Variants in PTPRN2 observed in about 807,000 individuals in gnomAD.
The protein encoded by PTPRN2 is receptor-type tyrosine-protein phosphatase N2.
PTPRN2 carries 74 observed loss-of-function variants against 118.8 expected under a neutral mutation model. The ratio of observed to expected loss-of-function variants is 0.62; its 90% CI spans 0.52 to 0.76. The LOEUF (loss-of-function observed/expected upper bound fraction) is 0.76. Ranked by LOEUF, PTPRN2 falls within the 30% of genes least tolerant of loss-of-function variation. PTPRN2 has a pLI of 0.00. For missense variants in PTPRN2, 1,481 were observed against 1,394.4 expected, an observed-to-expected ratio of 1.06 and a Z score of -0.99; for synonymous variants, 641 against 608.0, an observed-to-expected ratio of 1.05 and a Z score of -0.80.
intron 3 of PTPRN2, among the ~76,000 whole-genome samples, chr7:158,298,037 C>T (rs6950401): frequency 0.96 from 146,313 of 152,306 alleles, 70,349 homozygotes; most frequent in African/African-American, 0.99. Context: ...TAGTGTTTTC[C>T]TACGATTCTT....
Position 157,957,126 on chromosome 7 carries a change from C to T in PTPRN2, c.1724-58389G>A, listed in dbSNP as rs113422241. On this transcript the variant is annotated intron_variant, in intron 11 of 22. Coordinates refer to ENST00000389418, the MANE Select transcript of PTPRN2 (RefSeq NM_002847.5). ...GGTTCAGAAGGGTTAATAAACAGCT[C>T]AAGCACTTGCACCTGAGAGCCCACT... is the stretch of plus-strand genomic sequence containing the variant. 1.7e-3 allele frequency among the ~76,000 whole-genome samples: 252 copies of T among 152,320 alleles called. 1 individual carries two copies. The highest frequency in any genetic ancestry group is 5.8e-3 in the African/African-American group (242 of 41,576).
At chr7:158,510,856 G>A (rs1823126686) in intron 1 of PTPRN2, among the ~76,000 whole-genome samples, 1 of 152,226 alleles carries the variant, frequency 6.6e-6, no homozygotes, top group African/African-American at 2.4e-5. Flanking sequence ...ATTCTTCTCA[G>A]GGCCGCTTGC....
At chr7:157,829,544 T>G (rs772565995) in intron 12 of PTPRN2, among the ~76,000 whole-genome samples, 8 of 152,232 alleles carry the variant, frequency 5.3e-5, no homozygotes, top group Admixed American at 2.0e-4. Context: ...TGAAAGCCTC[T>G]GCTTTCTAGA....
At chr7:157,850,096 T>C (rs1809157125) in intron 12 of PTPRN2, among the ~76,000 whole-genome samples, 1 of 152,254 alleles carries the variant, frequency 6.6e-6, no homozygotes, top group Non-Finnish European at 1.5e-5. Context: ...GAAAATCTTT[T>C]ATGGGAGGAA....
chr7:157,600,651 C>T (rs117066964), intron 16 of PTPRN2, among the ~76,000 whole-genome samples: 1,564 of 152,340 alleles, frequency 0.01, 11 homozygotes, highest in Non-Finnish European at 0.016. Flanking sequence ...TCAAGTGATT[C>T]GCCTGCCTTG....
chr7:157,853,687 C>A (rs888859798), intron 12 of PTPRN2, among the ~76,000 whole-genome samples: 5 of 152,160 alleles, frequency 3.3e-5, no homozygotes, highest in Non-Finnish European at 7.3e-5. Flanking sequence ...AACCGAGCCA[C>A]ACGTGCGGAG....
At chr7:157,999,262 C>T (rs916264763) in intron 11 of PTPRN2, among the ~76,000 whole-genome samples, 3 of 152,218 alleles carry the variant, frequency 2.0e-5, no homozygotes, top group Non-Finnish European at 4.4e-5. Flanking sequence ...TCAGGGGGTT[C>T]TAGTCGGCTT....
At chr7:158,386,892 G>A (rs1221226856) in intron 2 of PTPRN2, among the ~76,000 whole-genome samples, 1 of 152,240 alleles carries the variant, frequency 6.6e-6, no homozygotes, top group African/African-American at 2.4e-5. Flanking sequence ...TGCCACCCTG[G>A]GAGATGAATG....
intron 11 of PTPRN2, among the ~76,000 whole-genome samples, chr7:158,051,354 A>C (rs1809312386): frequency 6.6e-6 from 1 of 152,216 alleles, no homozygotes; most frequent in Non-Finnish European, 1.5e-5. Context: ...AAGGACAGGA[A>C]GCACAGCCCT....
chr7:157,922,116 A>G (rs1798723442), intron 11 of PTPRN2, among the ~76,000 whole-genome samples: 1 of 152,262 alleles, frequency 6.6e-6, no homozygotes, highest in Non-Finnish European at 1.5e-5. Flanking sequence ...ATGTTCAAAT[A>G]CCTTAAAAAC....
At chr7:158,401,453 C>A (rs1476439454) in intron 2 of PTPRN2, among the ~76,000 whole-genome samples, 3 of 151,648 alleles carry the variant, frequency 2.0e-5, no homozygotes, top group Admixed American at 2.0e-4. Context: ...GAAGCTGCCA[C>A]GGGACGGCCC....
In PTPRN2 at chr7:158,165,577, G is replaced by C. The variant is rs924980621; in HGVS notation, c.910+1354C>G. Among the ~76,000 whole-genome samples the C allele has an allele frequency of 1.7e-4, 26 of 152,386 alleles. 1 individual carries two copies. The East Asian group carries it at 5.0e-3, about 29-fold the overall frequency. ...GAGGGCAGGAGAGCTCCCGGCTGCA[G>C]ACAGCAGAGAAGCTGATGCTCGCTC... is the stretch of plus-strand genomic sequence containing the variant. On this transcript the variant is annotated intron_variant, in intron 6 of 22. Coordinates refer to ENST00000389418, the MANE Select transcript of PTPRN2 (RefSeq NM_002847.5).
At chr7:157,576,486 C>T (rs1800045900) in intron 19 of PTPRN2, 127 bp downstream of exon 19, 1 of 1,011,868 alleles carries the variant, frequency 9.9e-7, no homozygotes, top group Non-Finnish European at 1.4e-6. Flanking sequence ...TTCCCTTCCC[C>T]TCCCCCCTGC....
chr7:158,407,676 G>GGTCCTGGGTCCTGCGTCCTGCGTCCTGC (rs1813700404), intron 2 of PTPRN2, among the ~76,000 whole-genome samples: 6 of 85,724 alleles, frequency 7.0e-5, no homozygotes, highest in South Asian at 8.7e-4. Flanking sequence ...CTGCGTCCTG[G>GGTCCTGGGTCCTGCGTCCTGCGTCCTGC]GTCCTGGGTC....
intron 3 of PTPRN2, among the ~76,000 whole-genome samples, chr7:158,298,229 CTCT>C (rs1373598444): frequency 2.6e-5 from 4 of 152,044 alleles, no homozygotes; most frequent in Non-Finnish European, 5.9e-5. Context: ...GTATTTTCTG[CTCT>C]TGTCTTCATT....
At chr7:157,745,063 G>A (rs540452367) in intron 12 of PTPRN2, among the ~76,000 whole-genome samples, 201 of 152,288 alleles carry the variant, frequency 1.3e-3, no homozygotes, top group South Asian at 3.7e-3. Context: ...CTATGCCACC[G>A]CATCTGGGTT....
At position 157,780,894 on chromosome 7, in the gene PTPRN2, C is replaced by T. The variant is rs1328169134; in HGVS notation, c.1789-97957G>A. On this transcript the variant is annotated intron_variant, in intron 12 of 22. Coordinates refer to ENST00000389418, the MANE Select transcript of PTPRN2 (RefSeq NM_002847.5). The surrounding 1 kb of genome is among the most constrained non-coding windows in gnomAD (Gnocchi z 4.5). ...CTAACCAAAGGTCGGTTTCACTTCTCTCCTCAGTGCACACCTGAACTCTCA... is the reference window on the plus strand; with the variant it reads ...CTAACCAAAGGTCGGTTTCACTTCTTTCCTCAGTGCACACCTGAACTCTCA... 2.6e-5 allele frequency among the ~76,000 whole-genome samples: 4 copies of T among 152,328 alleles called. 1 individual carries two copies. The East Asian group carries it at 7.7e-4, about 29-fold the overall frequency.
intron 11 of PTPRN2, among the ~76,000 whole-genome samples, chr7:157,901,733 G>A (rs942662234): frequency 1.7e-5 from 1 of 57,340 alleles, no homozygotes; most frequent in African/African-American, 4.9e-5. Flanking sequence ...CCTGGGTCCT[G>A]AGGTGGGGCC....
intron 2 of PTPRN2, among the ~76,000 whole-genome samples, chr7:158,332,665 C>T (rs1460035834): frequency 1.0e-4 from 15 of 145,050 alleles, no homozygotes; most frequent in African/African-American, 2.4e-4. Flanking sequence ...TGCCTGCAGA[C>T]ATCACTCACA....
Sources: allele counts gnomAD v4.1 joint callset (sites outside exome capture counted in the v4.1 genomes callset), GRCh38; gene constraint gnomAD v4.1.1; non-coding constraint Gnocchi (gnomAD v3.1); transcripts MANE v1.5; gene names NCBI Gene and HGNC (gene_info 2026-07-23, HGNC 2026-07-21).